Variants in SLC22A3 observed in about 807,000 individuals in gnomAD.
SLC22A3 encodes the protein EMT organic cation transporter 3.
Under a neutral mutation model 59.1 loss-of-function variants are expected in SLC22A3, and 51 were observed. That is an observed-to-expected ratio of 0.86 (90% CI 0.69 to 1.09). SLC22A3 has a LOEUF of 1.09. SLC22A3 is among the 50% of genes least tolerant of loss of function. The pLI is 0.00. For synonymous variants in SLC22A3, 325 were observed against 292.0 expected (o/e 1.11, Z -1.15); for missense variants, 711 against 726.3 (o/e 0.98, Z 0.24).
chr6:160,358,289 T>C (rs1378478176), intron 1 of SLC22A3, among the ~76,000 whole-genome samples: 1 of 152,100 alleles, frequency 6.6e-6, no homozygotes, highest in African/African-American at 2.4e-5. Flanking sequence ...TGGGGAGACT[T>C]AGGTAAATAA....
chr6:160,382,143 A>G (rs1238214262), intron 1 of SLC22A3, among the ~76,000 whole-genome samples: 1 of 152,198 alleles, frequency 6.6e-6, no homozygotes, highest in Non-Finnish European at 1.5e-5. Context: ...AGAAATAAAA[A>G]TGCAGATCCA....
At chr6:160,448,331 C>T (rs914182078) in intron 10 of SLC22A3, among the ~76,000 whole-genome samples, 1 of 151,924 alleles carries the variant, frequency 6.6e-6, no homozygotes, top group African/African-American at 2.4e-5. Context: ...AGATGACACA[C>T]AGATGATAGA....
intron 3 of SLC22A3, among the ~76,000 whole-genome samples, chr6:160,408,046 T>C (rs921706530): frequency 6.6e-6 from 1 of 152,116 alleles, no homozygotes; most frequent in African/African-American, 2.4e-5. Flanking sequence ...AGGAGTAACA[T>C]TGGAAGGCAA....
chr6:160,383,838 A>G (rs1443526820), intron 1 of SLC22A3, among the ~76,000 whole-genome samples: 1 of 152,236 alleles, frequency 6.6e-6, no homozygotes, highest in African/African-American at 2.4e-5. Flanking sequence ...TATAACAACT[A>G]TTTACATAGC....
At chr6:160,417,704 T>A (rs1787557791) in intron 5 of SLC22A3, among the ~76,000 whole-genome samples, 1 of 152,180 alleles carries the variant, frequency 6.6e-6, no homozygotes, top group African/African-American at 2.4e-5. Flanking sequence ...TGCCCTTTGA[T>A]GTTGGGGTTG....
intron 1 of SLC22A3, among the ~76,000 whole-genome samples, chr6:160,385,557 A>G (rs990353196): frequency 6.6e-6 from 1 of 152,148 alleles, no homozygotes; most frequent in Non-Finnish European, 1.5e-5. Context: ...CGTGGCCTCC[A>G]GTCCCTCAAC....
chr6:160,443,766 A>G, intron 9 of SLC22A3, 24 bp downstream of exon 9: 1 of 1,435,680 alleles, frequency 7.0e-7, no homozygotes, highest in Non-Finnish European at 9.7e-7. Context: ...TGCTATTCTT[A>G]AGAGCCTTCA....
At chr6:160,420,921 C>G (rs1303817509) in intron 5 of SLC22A3, among the ~76,000 whole-genome samples, 1 of 152,210 alleles carries the variant, frequency 6.6e-6, no homozygotes, top group Non-Finnish European at 1.5e-5. Context: ...CTGAGCCTGT[C>G]TAGTTGCCTG....
intron 10 of SLC22A3, 146 bp downstream of exon 10, chr6:160,447,964 G>A: frequency 1.4e-6 from 1 of 708,346 alleles, no homozygotes; most frequent in Non-Finnish European, 2.5e-6. Flanking sequence ...ATTCAAAGTA[G>A]ATACAAAAGG....
At chr6:160,431,547 A>G (rs1788151571) in intron 5 of SLC22A3, among the ~76,000 whole-genome samples, 1 of 152,078 alleles carries the variant, frequency 6.6e-6, no homozygotes, top group Non-Finnish European at 1.5e-5. Flanking sequence ...GACTCCCTTC[A>G]TTCGTTATCA....
chr6:160,433,796 T>C (rs1242984277), intron 5 of SLC22A3, among the ~76,000 whole-genome samples: 1 of 152,184 alleles, frequency 6.6e-6, no homozygotes, highest in African/African-American at 2.4e-5. Context: ...GGATTTCCCT[T>C]CAACTCTGGG....
intron 1 of SLC22A3, among the ~76,000 whole-genome samples, chr6:160,368,317 G>T (rs976703827): frequency 3.9e-5 from 6 of 151,994 alleles, no homozygotes; most frequent in African/African-American, 9.7e-5. Context: ...TTATAATACT[G>T]CCCCCTGTTG....
chr6:160,412,882 G>C (rs116915037), intron 5 of SLC22A3, among the ~76,000 whole-genome samples: 3,470 of 151,506 alleles, frequency 0.023, 48 homozygotes, highest in Non-Finnish European at 0.034. Flanking sequence ...ATAGAATATA[G>C]AAGAAACAAA....
chr6:160,444,331 C>T (rs1048730962), intron 9 of SLC22A3, among the ~76,000 whole-genome samples: 1 of 152,094 alleles, frequency 6.6e-6, no homozygotes, highest in African/African-American at 2.4e-5. Context: ...CCAGCCTGGG[C>T]AACAGGGTAA....
intron 1 of SLC22A3, among the ~76,000 whole-genome samples, chr6:160,349,731 CTT>C (rs1784599414): frequency 1.3e-5 from 2 of 152,292 alleles, no homozygotes; most frequent in Non-Finnish European, 2.9e-5. Context: ...AGCAGAGTCA[CTT>C]TGTAATAATC....
At chr6:160,389,609 G>C (rs904861494) in intron 1 of SLC22A3, among the ~76,000 whole-genome samples, 12 of 152,224 alleles carry the variant, frequency 7.9e-5, no homozygotes, top group African/African-American at 2.9e-4. Context: ...TAGCCCACTG[G>C]TAGAGCAGGT....
chr6:160,425,357 A>T (rs1787910581), intron 5 of SLC22A3, among the ~76,000 whole-genome samples: 1 of 152,144 alleles, frequency 6.6e-6, no homozygotes, highest in Non-Finnish European at 1.5e-5. Context: ...ATTTATCTTC[A>T]TTTGTTCCTC....
chr6:160,391,575 A>G (rs1583469957), intron 1 of SLC22A3, among the ~76,000 whole-genome samples: 1 of 152,342 alleles, frequency 6.6e-6, no homozygotes, highest in East Asian at 1.9e-4. Context: ...AAGTCAAGAC[A>G]TCCAGGCTGT....
At chr6:160,419,241 G>A (rs1234954699) in intron 5 of SLC22A3, among the ~76,000 whole-genome samples, 1 of 152,104 alleles carries the variant, frequency 6.6e-6, no homozygotes. Context: ...AATTTAATGA[G>A]CAGTCACACA....
Sources: gnomAD v4.1 joint callset for allele counts (sites outside exome capture counted in the v4.1 genomes callset) on GRCh38, gnomAD v4.1.1 for gene constraint, MANE v1.5 for transcripts, NCBI Gene and HGNC (gene_info 2026-07-23, HGNC 2026-07-21) for gene names.